CDK12: variants seen among roughly 807,000 people sequenced by gnomAD.
The protein encoded by CDK12 is cyclin-dependent kinase 12.
In CDK12, 17 loss-of-function variants were observed where a neutral mutation model predicts 133.8. That is an observed-to-expected ratio of 0.13 (90% CI 0.09 to 0.19). The LOEUF (loss-of-function observed/expected upper bound fraction) is 0.19, where lower values mean the gene tolerates loss of function less well. Ranked by LOEUF, CDK12 falls within the 10% of genes least tolerant of loss-of-function variation. The probability of loss-of-function intolerance (pLI) is 1.00; values close to 1 mark genes in which losing one functional copy is unlikely to be tolerated. For missense variants in CDK12, 1,508 were observed against 1,818.7 expected (o/e 0.83, Z 3.11); for synonymous variants, 694 against 683.6 (o/e 1.02, Z -0.24).
intron 11 of CDK12, among the ~76,000 whole-genome samples, chr17:39,523,862 A>G (rs186914005): frequency 6.6e-6 from 1 of 152,250 alleles, no homozygotes; most frequent in African/African-American, 2.4e-5. Flanking sequence ...CCATGTTGCC[A>G]GGCTAGTCTC....
At chr17:39,474,043 C>T (rs1276924573) in intron 2 of CDK12, among the ~76,000 whole-genome samples, 1 of 152,050 alleles carries the variant, frequency 6.6e-6, no homozygotes, top group Non-Finnish European at 1.5e-5. Flanking sequence ...GGTGACAGAG[C>T]GAAACTTTGT....
At chr17:39,466,615 GAAAAAAAAAAAAAAAAAAA>G (rs71147339) in intron 1 of CDK12, among the ~76,000 whole-genome samples, 692 of 31,404 alleles carry the variant, frequency 0.022, 10 homozygotes, top group African/African-American at 0.064. Flanking sequence ...AACTCTATCT[GAAAAAAAAAAAAAAAAAAA>G]AAAAAAAAAA....
chr17:39,497,578 T>G (rs2052228770), intron 5 of CDK12, among the ~76,000 whole-genome samples: 1 of 151,796 alleles, frequency 6.6e-6, no homozygotes, highest in South Asian at 2.1e-4. Flanking sequence ...ATAGGTTAAG[T>G]ATGATATTAT....
chr17:39,505,656 T>C (rs987843993), intron 6 of CDK12, among the ~76,000 whole-genome samples: 1 of 152,214 alleles, frequency 6.6e-6, no homozygotes, highest in African/African-American at 2.4e-5. Context: ...ATTGACATGC[T>C]TTTTATGTAC....
chr17:39,520,222 T>A (rs2054080149), intron 11 of CDK12, 135 bp downstream of exon 11: 1 of 817,550 alleles, frequency 1.2e-6, no homozygotes, highest in Non-Finnish European at 1.8e-6. Context: ...TTGAGGTTTG[T>A]TTTTTTTGTT....
upstream of CDK12, among the ~76,000 whole-genome samples, chr17:39,545,496 C>CTTTTTTTT (rs34616390): frequency 9.6e-6 from 1 of 103,632 alleles, no homozygotes; most frequent in Non-Finnish European, 1.9e-5. Flanking sequence ...CCCCAAAAAG[C>CTTTTTTTT]TTTTTTTTTT....
chr17:39,538,533 C>T (rs778851938), downstream of CDK12, among the ~76,000 whole-genome samples: 1 of 152,206 alleles, frequency 6.6e-6, no homozygotes, highest in Non-Finnish European at 1.5e-5. Flanking sequence ...ATGTGTCAGG[C>T]GCTGCCTAAG....
downstream of CDK12, among the ~76,000 whole-genome samples, chr17:39,535,823 CTG>C (rs1251115337): frequency 6.6e-6 from 1 of 152,186 alleles, no homozygotes. Flanking sequence ...CATAGCTTGA[CTG>C]TTTTTTAACT....
chr17:39,532,136 C>CTCTCTCTG lies in CDK12; in HGVS notation c.*825_*832dup. 1 of 227,238 alleles carries CTCTCTCTG rather than the reference C, an allele frequency of 4.4e-6. No individual in the cohort carries two copies. Among genetic ancestry groups the CTCTCTCTG allele is most frequent in the East Asian group, 6.1e-5 (1 of 16,498 alleles). The allele number at this position is 227,238 out of a possible 1,614,324, so 14.1% of individuals were successfully genotyped here. A position where few individuals can be genotyped will look rare whatever the true frequency, so the allele number is the denominator to read the frequency against. On this transcript the variant is annotated 3_prime_UTR_variant, in exon 14 of 14. Transcript: ENST00000447079. ...TCTCTCTCTCTCTCTCTCTCTCTCT[C>CTCTCTCTG]TCTCTCTGTCTCGCTTGCTCGCTCT... is the stretch of plus-strand genomic sequence containing the variant.
At chr17:39,471,887 G>A in intron 2 of CDK12, 124 bp downstream of exon 2, 3 of 871,026 alleles carry the variant, frequency 3.4e-6, no homozygotes, top group Non-Finnish European at 3.5e-6. Context: ...TATTTTCAGT[G>A]GGAAAGTCTG....
chr17:39,505,891 A>G (rs947936727), intron 6 of CDK12, among the ~76,000 whole-genome samples: 1 of 152,174 alleles, frequency 6.6e-6, no homozygotes, highest in African/African-American at 2.4e-5. Flanking sequence ...TAGATATACT[A>G]AGGGATGACT....
intron 1 of CDK12, among the ~76,000 whole-genome samples, chr17:39,540,592 G>A (rs1284291485): frequency 1.3e-5 from 2 of 152,208 alleles, no homozygotes; most frequent in African/African-American, 2.4e-5. Context: ...GATATGACTA[G>A]CCTGTGGCAG....
At chr17:39,500,770 A>G (rs1334278399) in intron 5 of CDK12, among the ~76,000 whole-genome samples, 2 of 151,502 alleles carry the variant, frequency 1.3e-5, no homozygotes, top group African/African-American at 4.9e-5. Flanking sequence ...TTTGTTGCCC[A>G]GGCTGGAATG....
chr17:39,473,665 C>T (rs1010472147), intron 2 of CDK12, among the ~76,000 whole-genome samples: 2 of 151,882 alleles, frequency 1.3e-5, no homozygotes, highest in South Asian at 2.1e-4. Flanking sequence ...CCAAGGCGGG[C>T]GAATCATGAG....
intron 5 of CDK12, among the ~76,000 whole-genome samples, chr17:39,500,245 C>G (rs533687500): frequency 6.6e-6 from 1 of 151,526 alleles, no homozygotes; most frequent in Non-Finnish European, 1.5e-5. Context: ...GCGGAAGATT[C>G]GCTTGAGCCC....
intron 2 of CDK12, among the ~76,000 whole-genome samples, chr17:39,478,761 G>C (rs1339540703): frequency 6.6e-6 from 1 of 152,138 alleles, no homozygotes; most frequent in Non-Finnish European, 1.5e-5. Context: ...GAAGGTCAGA[G>C]CTACAGTGAG....
downstream of CDK12, chr17:39,534,607 T>G (rs2055048197): frequency 4.5e-6 from 1 of 221,920 alleles, no homozygotes; most frequent in African/African-American, 2.2e-5. Context: ...TAATCATGTA[T>G]AAAGGACGTT....
At position 39,470,847 on chromosome 17, in the gene CDK12, A is replaced by G. The variant is rs774313790; in HGVS notation, c.1047-32A>G. The G allele has an allele frequency of 7.7e-6, 12 of 1,555,416 alleles. 1 individual carries two copies. The highest frequency in any genetic ancestry group is 2.2e-4 in the Middle Eastern group (1 of 4,632). On this transcript the variant is annotated intron_variant, in intron 1 of 13. Coordinates refer to ENST00000447079, the MANE Select transcript of CDK12 (RefSeq NM_016507.4). Reference sequence around the variant, plus strand: ...TTTCCTCCATATACTACTGTAGTCCATTCATTTAAAACTGGCTTTTTATTT... The same window carrying G: ...TTTCCTCCATATACTACTGTAGTCCGTTCATTTAAAACTGGCTTTTTATTT...
intron 1 of CDK12, among the ~76,000 whole-genome samples, chr17:39,463,955 A>G (rs1337807295): frequency 6.6e-6 from 1 of 152,012 alleles, no homozygotes; most frequent in Non-Finnish European, 1.5e-5. Context: ...GTTCACAAAA[A>G]CAGAATGTGG....
Sources: allele counts gnomAD v4.1 joint callset (sites outside exome capture counted in the v4.1 genomes callset), GRCh38; gene constraint gnomAD v4.1.1; transcripts MANE v1.5; gene names NCBI Gene and HGNC (gene_info 2026-07-23, HGNC 2026-07-21).